CREBBP: variants seen among roughly 807,000 people sequenced by gnomAD.
CREBBP encodes CREB-binding protein.
A neutral mutation model predicts 265.0 loss-of-function variants in CREBBP; 19 were observed. The observed-to-expected ratio is 0.07, with a 90% CI of 0.05 to 0.11. The LOEUF (loss-of-function observed/expected upper bound fraction) is 0.11. Ranked by LOEUF, CREBBP falls within the 10% of genes least tolerant of loss-of-function variation. CREBBP has a pLI of 1.00. For missense variants in CREBBP, 2,525 were observed against 3,219.0 expected, an observed-to-expected ratio of 0.78 and a Z score of 5.22; for synonymous variants, 1,457 against 1,223.7, an observed-to-expected ratio of 1.19 and a Z score of -3.98.
At chr16:3,744,775 A>T (rs768922430) in intron 23 of CREBBP, 119 bp downstream of exon 23, 28 of 815,618 alleles carry the variant, frequency 3.4e-5, no homozygotes, top group Non-Finnish European at 5.9e-5. Flanking sequence ...AACTAACGAA[A>T]ATCTTTGACA....
At chr16:3,768,143 T>TTG (rs2052907500) in intron 15 of CREBBP, among the ~76,000 whole-genome samples, 3 of 99,060 alleles carry the variant, frequency 3.0e-5, no homozygotes, top group African/African-American at 5.5e-5. Context: ...AGTGTTTTTT[T>TTG]TTTTTTTTTT....
rs1166220187 is a variant in CREBBP, at chr16:3,728,358, T to C, written c.6689A>G (p.Gln2230Arg). ...TCCGGGTCCTTGAGGCTGCTGGAAC[T>C]GGCCGTGCCCCGCCATGCCCCCAGC... is the stretch of plus-strand genomic sequence containing the variant. Reference protein sequence around the residue: ...GMAGGMAGHGQFQQPQGPGGY... With the variant: ...GMAGGMAGHGRFQQPQGPGGY... Residue 2230 changes from glutamine to arginine, a missense_variant, in exon 31 of 31, where the codon CAG becomes CGG. Physicochemically the swap from Gln to Arg is conservative, Grantham distance 43. This residue lies in a region of CREBBP where 473 missense variants were observed against 459.3 expected (regional missense o/e 1.03). Transcript: ENST00000262367. This position sits in a 1 kb window ranked among gnomAD's most constrained non-coding sequence, Gnocchi z 8.7. 1.2e-6 allele frequency: 2 copies of C among 1,609,570 alleles called. No homozygotes were observed. Among genetic ancestry groups the C allele is most frequent in the Non-Finnish European group, 1.7e-6 (2 of 1,178,494 alleles).
intron 24 of CREBBP, among the ~76,000 whole-genome samples, 188 bp from the exon 25 acceptor site, chr16:3,739,912 C>A (rs1175835606): frequency 6.6e-6 from 1 of 152,198 alleles, no homozygotes. Context: ...TGCTTTCTGA[C>A]CAGTTTCCCT....
At chr16:3,801,597 G>T (rs2053713898) in intron 3 of CREBBP, among the ~76,000 whole-genome samples, 1 of 152,158 alleles carries the variant, frequency 6.6e-6, no homozygotes, top group South Asian at 2.1e-4. Flanking sequence ...TTGAACCCAG[G>T]AAGTGGAGGC....
intron 13 of CREBBP, among the ~76,000 whole-genome samples, chr16:3,771,272 T>A (rs1469779733): frequency 6.6e-6 from 1 of 152,102 alleles, no homozygotes; most frequent in Non-Finnish European, 1.5e-5. Flanking sequence ...TTTTGCCATG[T>A]TGTCCAGGCT....
In CREBBP at chr16:3,793,061, T is replaced by C. The variant is rs535594099; in HGVS notation, c.1216+325A>G. Among the ~76,000 whole-genome samples the C allele has an allele frequency of 1.0e-3, 159 of 152,254 alleles. 1 individual carries two copies. Among genetic ancestry groups the C allele is most frequent in the African/African-American group, 3.4e-3 (142 of 41,538 alleles). ...CAAAAGAAAACCACAATCTAGACATTCACAACAAAGACAGTGCTCAAGAAG... is the reference window on the plus strand; with the variant it reads ...CAAAAGAAAACCACAATCTAGACATCCACAACAAAGACAGTGCTCAAGAAG... On this transcript the variant is annotated intron_variant, in intron 4 of 30. Transcript: ENST00000262367.
chr16:3,740,807 G>A (rs1033252864), intron 23 of CREBBP: 2 of 524,278 alleles, frequency 3.8e-6, no homozygotes, highest in Admixed American at 2.9e-5. Flanking sequence ...TAACAGTATG[G>A]GGCAGAAGAC....
chr16:3,778,975 T>C (rs926135321), intron 8 of CREBBP, among the ~76,000 whole-genome samples, 158 bp from the exon 9 acceptor site: 1 of 152,066 alleles, frequency 6.6e-6, no homozygotes, highest in African/African-American at 2.4e-5. Flanking sequence ...GAGATCTGCC[T>C]GGCCAACGTG....
At chr16:3,742,609 G>A (rs2151348078) in intron 23 of CREBBP, 1 of 151,972 alleles carries the variant, frequency 6.6e-6, no homozygotes, top group South Asian at 2.1e-4. Flanking sequence ...CTTTTATCCT[G>A]AATGCATCTG....
In CREBBP at chr16:3,731,558, T is replaced by G; in HGVS notation, c.4891-85A>C. ...TCAGGGCAGGCGCAGCCACCCAGCC[T>G]GCAGAATAGGCAGGTGGCTGAGCCT... is the stretch of plus-strand genomic sequence containing the variant. On this transcript the variant is annotated intron_variant, in intron 29 of 30. Coordinates refer to ENST00000262367, the MANE Select transcript of CREBBP (RefSeq NM_004380.3). This position sits in a 1 kb window ranked among gnomAD's most constrained non-coding sequence, Gnocchi z 7.7. 6.6e-7 allele frequency: 1 copy of G among 1,510,308 alleles called. No individual in the cohort carries two copies. Among genetic ancestry groups the G allele is most frequent in the Non-Finnish European group, 9.0e-7 (1 of 1,114,800 alleles). The allele number at this position is 1,510,308 out of a possible 1,614,324, so 93.6% of individuals were successfully genotyped here.
At chr16:3,802,748 C>T (rs1021631856) in intron 3 of CREBBP, among the ~76,000 whole-genome samples, 20 of 149,926 alleles carry the variant, frequency 1.3e-4, no homozygotes, top group African/African-American at 4.7e-4. Flanking sequence ...GCAGCCAATG[C>T]CCCGGATCCA....
In CREBBP at chr16:3,727,334, A is replaced by C. The variant is rs1033065558; in HGVS notation, c.*384T>G. 2 of 268,104 alleles carry C rather than the reference A, an allele frequency of 7.5e-6. No homozygotes were observed. The highest frequency in any genetic ancestry group is 4.4e-5 in the African/African-American group (2 of 45,406). The allele number at this position is 268,104 out of a possible 1,614,324, so 16.6% of individuals were successfully genotyped here. A position where few individuals can be genotyped will look rare whatever the true frequency, so the allele number is the denominator to read the frequency against. ...TTTTTCTTCTTACTTTTAAACATAA[A>C]TGTTTAAAGTCTTGAAAATACAAAT... is the stretch of plus-strand genomic sequence containing the variant. On this transcript the variant is annotated 3_prime_UTR_variant, in exon 31 of 31. Transcript: ENST00000262367.
chr16:3,792,691 CA>C (rs1441332770), intron 4 of CREBBP, among the ~76,000 whole-genome samples: 1 of 152,180 alleles, frequency 6.6e-6, no homozygotes, highest in Non-Finnish European at 1.5e-5. Context: ...ACGGGGAGAC[CA>C]GGGGGAGATT....
At chr16:3,744,731 A>C (rs1221799287) in intron 23 of CREBBP, among the ~76,000 whole-genome samples, 163 bp downstream of exon 23, 1 of 152,202 alleles carries the variant, frequency 6.6e-6, no homozygotes, top group Non-Finnish European at 1.5e-5. Context: ...CTCCTTAAGG[A>C]TGAGACAAGA....
At chr16:3,752,312 G>A (rs1377255220) in intron 19 of CREBBP, among the ~76,000 whole-genome samples, 1 of 152,072 alleles carries the variant, frequency 6.6e-6, no homozygotes, top group Non-Finnish European at 1.5e-5. Flanking sequence ...CCTTAAAAAA[G>A]CAATTTAAAC....
chr16:3,861,201 G>C (rs970472726), intron 1 of CREBBP, among the ~76,000 whole-genome samples: 4 of 152,142 alleles, frequency 2.6e-5, no homozygotes, highest in Non-Finnish European at 5.9e-5. Flanking sequence ...AGAATCACTG[G>C]GAGGTTGCAG....
intron 2 of CREBBP, among the ~76,000 whole-genome samples, chr16:3,823,655 C>A (rs2054182881): frequency 6.6e-6 from 1 of 152,148 alleles, no homozygotes; most frequent in Non-Finnish European, 1.5e-5. Context: ...GTACAATGAT[C>A]CCTGCTGTTT....
rs1469735728 is a variant in CREBBP at position 3,867,746 on chromosome 16, C to T, written c.85+12086G>A. Among the ~76,000 whole-genome samples, 9 of 147,116 alleles carry T rather than the reference C, an allele frequency of 6.1e-5. No homozygotes were observed. In the East Asian group the frequency reaches 1.2e-3, roughly 19 times the overall value. Reference sequence around the variant, plus strand: ...CAGCCTAGGCAACATAGGAAGACCCCGTATCTCTACTAAAAAAAAAAAAAA... The same window carrying T: ...CAGCCTAGGCAACATAGGAAGACCCTGTATCTCTACTAAAAAAAAAAAAAA... On this transcript the variant is annotated intron_variant, in intron 1 of 30. Transcript: ENST00000262367.
chr16:3,737,329 T>C (rs2052088042), intron 26 of CREBBP, among the ~76,000 whole-genome samples: 2 of 152,212 alleles, frequency 1.3e-5, no homozygotes, highest in Admixed American at 6.5e-5. Flanking sequence ...CAGCATACGC[T>C]GCAGGGTTCC....
Sources: gnomAD v4.1 joint callset for allele counts (sites outside exome capture counted in the v4.1 genomes callset) on GRCh38, gnomAD v4.1.1 for gene constraint, gnomAD v4.1.1 regional missense constraint, Gnocchi (gnomAD v3.1) non-coding constraint, MANE v1.5 for transcripts, NCBI Gene and HGNC (gene_info 2026-07-23, HGNC 2026-07-21) for gene names.